Variants in BRDT observed in about 807,000 individuals in gnomAD.
The protein encoded by BRDT is bromodomain testis associated, also known as bromodomain testis-specific protein.
A neutral mutation model predicts 113.9 loss-of-function variants in BRDT; 77 were observed. The ratio of observed to expected loss-of-function variants is 0.68; its 90% CI spans 0.56 to 0.82. The LOEUF is 0.82. Among genes scored for constraint, BRDT ranks in the 40% least tolerant of loss-of-function variants. The pLI, the probability that BRDT is intolerant of heterozygous loss-of-function variation, is 0.00. For synonymous variants in BRDT, 358 were observed against 366.5 expected (o/e 0.98, Z 0.26); for missense variants, 1,027 against 1,105.4 (o/e 0.93, Z 1.01).
At chr1:91,952,650 A>G (rs905301194) in intron 1 of BRDT, among the ~76,000 whole-genome samples, 31 of 152,110 alleles carry the variant, frequency 2.0e-4, no homozygotes, top group African/African-American at 7.0e-4. Flanking sequence ...TTGAAGATAC[A>G]GAAAAGATAA....
At chr1:92,003,357 G>A (rs1459274873) in intron 16 of BRDT, among the ~76,000 whole-genome samples, 1 of 152,056 alleles carries the variant, frequency 6.6e-6, no homozygotes, top group Admixed American at 6.6e-5. Flanking sequence ...TTATTAAGGA[G>A]ATAATTATTT....
intron 3 of BRDT, among the ~76,000 whole-genome samples, chr1:91,967,402 ATTT>A (rs1191398119): frequency 7.4e-6 from 1 of 134,558 alleles, no homozygotes; most frequent in African/African-American, 2.8e-5. Context: ...CACCTGGCTA[ATTT>A]TTTTTTTTTT....
At chr1:91,955,844 ATTG>A (rs1681707300) in intron 1 of BRDT, among the ~76,000 whole-genome samples, 1 of 152,180 alleles carries the variant, frequency 6.6e-6, no homozygotes, top group Non-Finnish European at 1.5e-5. Flanking sequence ...AATATTAGCT[ATTG>A]TTTTGCCCAG....
chr1:92,014,323 C>T lies in BRDT; in HGVS notation c.*49C>T, dbSNP rs200689939. The T allele has an allele frequency of 1.1e-5, 14 of 1,254,592 alleles. No individual in the cohort carries two copies. The East Asian group carries it at 2.5e-4, about 22-fold the overall frequency. The allele number at this position is 1,254,592 out of a possible 1,614,324, so 77.7% of individuals were successfully genotyped here. ...CAACTTAAAATGAATGGTAAAAGAT[C>T]AAAATGCATATGGTAAAATGATTGC... On this transcript the variant is annotated 3_prime_UTR_variant, in exon 19 of 19. Coordinates refer to ENST00000399546, the MANE Select transcript of BRDT (RefSeq NM_207189.4).
chr1:91,974,440 A>G (rs1683923938), intron 4 of BRDT, among the ~76,000 whole-genome samples: 1 of 152,194 alleles, frequency 6.6e-6, no homozygotes, highest in Non-Finnish European at 1.5e-5. Flanking sequence ...GATTTACAAG[A>G]AAAAAACAAC....
In BRDT at chr1:92,007,770, C is replaced by T. The variant is rs1385814923; in HGVS notation, c.2775+2471C>T. On this transcript the variant is annotated intron_variant, in intron 18 of 18. Coordinates refer to ENST00000399546, the MANE Select transcript of BRDT (RefSeq NM_207189.4). ...TACAACAGTTACTTCCATTCCTCCC[C>T]GTCAGCCTTATGCTATTGCTTAAAT... 3.3e-5 allele frequency among the ~76,000 whole-genome samples: 5 copies of T among 152,160 alleles called. No homozygotes were observed. The South Asian group carries it at 6.2e-4, about 19-fold the overall frequency.
intron 5 of BRDT, 143 bp downstream of exon 5, chr1:91,976,581 C>T (rs1383795899): frequency 1.5e-5 from 12 of 813,922 alleles, no homozygotes; most frequent in Admixed American, 3.7e-5. Context: ...ATACTGTTTC[C>T]GCCTCTCTAT....
At chr1:91,959,933 A>G (rs1339371325) in intron 1 of BRDT, among the ~76,000 whole-genome samples, 1 of 152,220 alleles carries the variant, frequency 6.6e-6, no homozygotes, top group Non-Finnish European at 1.5e-5. Flanking sequence ...TAAAAAACCA[A>G]CAAAACTGAT....
At chr1:92,002,733 A>G (rs1263795617) in intron 16 of BRDT, among the ~76,000 whole-genome samples, 1 of 152,182 alleles carries the variant, frequency 6.6e-6, no homozygotes, top group Non-Finnish European at 1.5e-5. Context: ...ATTTTAAAGC[A>G]TGTCATAAAA....
intron 4 of BRDT, among the ~76,000 whole-genome samples, chr1:91,968,757 C>T (rs1683322000): frequency 6.6e-6 from 1 of 151,982 alleles, no homozygotes; most frequent in Admixed American, 6.6e-5. Flanking sequence ...TATGGTGTTT[C>T]AAAAATCTTA....
chr1:91,968,126 AT>A lies in BRDT; in HGVS notation c.331-19del. ...TGACCATACTGTATATCCTTATGGT[AT>A]ATTTAATATATTTTGTAGCCTGGAG... On this transcript the variant is annotated intron_variant, in intron 3 of 18. Transcript: ENST00000399546. The A allele has an allele frequency of 5.0e-6, 8 of 1,612,186 alleles. No homozygotes were observed. The highest frequency in any genetic ancestry group is 6.8e-6 in the Non-Finnish European group (8 of 1,179,006).
chr1:92,013,623 G>C (rs1687992379), intron 18 of BRDT, among the ~76,000 whole-genome samples: 1 of 152,014 alleles, frequency 6.6e-6, no homozygotes, highest in Non-Finnish European at 1.5e-5. Flanking sequence ...TCTCTACTTT[G>C]GCTTATTTTT....
chr1:91,987,887 TC>T (rs1271070175), intron 12 of BRDT, among the ~76,000 whole-genome samples: 1 of 152,108 alleles, frequency 6.6e-6, no homozygotes, highest in Non-Finnish European at 1.5e-5. Flanking sequence ...TCTCGCAGTT[TC>T]ACCCAGGCTG....
At chr1:91,977,723 G>T (rs1024739486) in intron 6 of BRDT, among the ~76,000 whole-genome samples, 2 of 135,670 alleles carry the variant, frequency 1.5e-5, no homozygotes, top group African/African-American at 2.7e-5. Context: ...AAAAAAAAAA[G>T]CTGGGAATGG....
chr1:91,983,912 C>T (rs547718834), intron 12 of BRDT, among the ~76,000 whole-genome samples: 1 of 152,054 alleles, frequency 6.6e-6, no homozygotes, highest in Non-Finnish European at 1.5e-5. Flanking sequence ...GAACTCCTGA[C>T]CTCAAGTAAT....
chr1:92,010,884 T>C (rs1005319658), intron 18 of BRDT, among the ~76,000 whole-genome samples: 2 of 152,048 alleles, frequency 1.3e-5, no homozygotes, highest in Non-Finnish European at 2.9e-5. Context: ...GTCTCTTCTT[T>C]GTGAATAGTG....
intron 15 of BRDT, among the ~76,000 whole-genome samples, chr1:92,000,775 G>A (rs1452080334): frequency 1.3e-5 from 2 of 152,140 alleles, no homozygotes; most frequent in South Asian, 4.1e-4. Context: ...GCATCAGGAT[G>A]TTCCATGTTG....
At chr1:91,981,805 CTGTAATAT>C in intron 12 of BRDT, 50 bp downstream of exon 12, 1 of 1,503,974 alleles carries the variant, frequency 6.6e-7, no homozygotes, top group South Asian at 1.3e-5. Context: ...ACTTTTTTTC[CTGTAATAT>C]TGATTTATAT....
At chr1:92,002,365 TG>T (rs1311604335) in intron 16 of BRDT, among the ~76,000 whole-genome samples, 1 of 151,922 alleles carries the variant, frequency 6.6e-6, no homozygotes, top group African/African-American at 2.4e-5. Flanking sequence ...TGTGTTTTTT[TG>T]TTGTTGTTTT....
Sources: allele counts gnomAD v4.1 joint callset (sites outside exome capture counted in the v4.1 genomes callset), GRCh38; gene constraint gnomAD v4.1.1; transcripts MANE v1.5; gene names NCBI Gene and HGNC (gene_info 2026-07-23, HGNC 2026-07-21).